INPP5A: variants seen among roughly 807,000 people sequenced by gnomAD.
INPP5A encodes the protein 43 kDa inositol polyphosphate 5-phophatase.
A neutral mutation model predicts 65.2 loss-of-function variants in INPP5A; 14 were observed. The ratio of observed to expected loss-of-function variants is 0.21; its 90% confidence interval spans 0.14 to 0.34. INPP5A has a LOEUF of 0.34. Among genes scored for constraint, INPP5A ranks in the 10% least tolerant of loss-of-function variants. The pLI is 1.00. For missense variants in INPP5A, 431 were observed against 545.6 expected, an observed-to-expected ratio of 0.79 and a Z score of 2.09; for synonymous variants, 207 against 208.3, an observed-to-expected ratio of 0.99 and a Z score of 0.05.
chr10:132,590,571 C>G (rs2071607168), intron 1 of INPP5A, among the ~76,000 whole-genome samples: 1 of 152,166 alleles, frequency 6.6e-6, no homozygotes, highest in African/African-American at 2.4e-5. Context: ...GACCACCATG[C>G]TGGTCGCACC....
intron 1 of INPP5A, among the ~76,000 whole-genome samples, chr10:132,600,720 C>T (rs2071764914): frequency 6.6e-6 from 1 of 152,240 alleles, no homozygotes; most frequent in Non-Finnish European, 1.5e-5. Flanking sequence ...TACAGTTCCA[C>T]ATCACTGGGG....
chr10:132,700,689 T>C (rs1845422944), intron 6 of INPP5A, among the ~76,000 whole-genome samples: 1 of 152,176 alleles, frequency 6.6e-6, no homozygotes, highest in Non-Finnish European at 1.5e-5. Context: ...TCTCGCTGTG[T>C]TTGAACACAT....
rs1291408606 is a variant in INPP5A at position 132,537,850 on chromosome 10, C to G, written c.-247C>G. 1 of 346,412 alleles carries G rather than the reference C, an allele frequency of 2.9e-6. No individual in the cohort carries two copies. Among genetic ancestry groups the G allele is most frequent in the Non-Finnish European group, 5.2e-6 (1 of 192,924 alleles). 21.5% of individuals were successfully genotyped at this position (346,412 alleles called of 1,614,324 possible). ...TTTCCCAGCGGATCTAATGGCTGCG[C>G]GCGGGCCGCTGTGAGGCGCGGCGGC... On this transcript the variant is annotated 5_prime_UTR_variant, in exon 1 of 16. Transcript: ENST00000368594.
In INPP5A at chr10:132,782,095, G is replaced by A. The variant is rs186630999; in HGVS notation, c.*66G>A. ...GTGAGCCTCCCTGTAGCCGTGGACC[G>A]AATACGCACTCTTGAAAGCTGCATC... On this transcript the variant is annotated 3_prime_UTR_variant, in exon 16 of 16. Coordinates refer to ENST00000368594, the MANE Select transcript of INPP5A (RefSeq NM_005539.5). This position sits in a 1 kb window ranked among gnomAD's most constrained non-coding sequence, Gnocchi z 4.4. 5.4e-3 allele frequency: 8,335 copies of A among 1,540,472 alleles called. 29 individuals carry two copies. The highest frequency in any genetic ancestry group is 6.7e-3 in the Non-Finnish European group (7,587 of 1,139,888).
At position 132,547,580 on chromosome 10, in the gene INPP5A, G is replaced by A. The variant is rs1445941661; in HGVS notation, c.75+9409G>A. Among the ~76,000 whole-genome samples the A allele has an allele frequency of 2.0e-5, 3 of 152,252 alleles. No individual in the cohort carries two copies. Among genetic ancestry groups the A allele is most frequent in the African/African-American group, 7.2e-5 (3 of 41,564 alleles). The stretch of plus-strand genomic sequence containing the variant: ...GCCGGGCACCTGCACCCTCGCCGTC[G>A]CCCTGGGCTGACCTCCCATCTCCTC... On this transcript the variant is annotated intron_variant, in intron 1 of 15. Coordinates refer to ENST00000368594, the MANE Select transcript of INPP5A (RefSeq NM_005539.5). The surrounding 1 kb of genome is among the most constrained non-coding windows in gnomAD (Gnocchi z 5.5).
chr10:132,749,415 C>A, intron 9 of INPP5A, 102 bp from the exon 10 acceptor site: 1 of 1,064,502 alleles, frequency 9.4e-7, no homozygotes, highest in African/African-American at 1.6e-5. Flanking sequence ...CAGCTGCTGT[C>A]TGGAACCAGC....
chr10:132,681,217 A>G (rs906753697), intron 4 of INPP5A, among the ~76,000 whole-genome samples: 24 of 152,218 alleles, frequency 1.6e-4, no homozygotes, highest in Non-Finnish European at 3.5e-4. Flanking sequence ...TCTACCAATC[A>G]GCAGGACGTG....
At chr10:132,709,397 G>A (rs1326155604) in intron 7 of INPP5A, among the ~76,000 whole-genome samples, 1 of 141,544 alleles carries the variant, frequency 7.1e-6, no homozygotes, top group East Asian at 2.3e-4. Context: ...GAGGAGGAGG[G>A]AGGAAGGAGG....
chr10:132,779,817 TAAA>T, intron 13 of INPP5A, among the ~76,000 whole-genome samples: 1 of 152,258 alleles, frequency 6.6e-6, no homozygotes, highest in South Asian at 2.1e-4. Context: ...TCCGGAGCCC[TAAA>T]ACACCAAAAG....
chr10:132,569,019 G>A (rs946960653), intron 1 of INPP5A, among the ~76,000 whole-genome samples: 5 of 150,818 alleles, frequency 3.3e-5, no homozygotes, highest in African/African-American at 1.2e-4. Flanking sequence ...GGATTCGAGC[G>A]ATTCTCCTGC....
chr10:132,762,449 G>A lies in INPP5A; in HGVS notation c.904-3324G>A, dbSNP rs7098740. ...ACACCAGGAGAAGTGGAGGCGTTCA[G>A]TCAAAGAGCTGGTGGAAAACCCCAC... is the stretch of plus-strand genomic sequence containing the variant. On this transcript the variant is annotated intron_variant, in intron 11 of 15. Coordinates refer to ENST00000368594, the MANE Select transcript of INPP5A (RefSeq NM_005539.5). This position sits in a 1 kb window ranked among gnomAD's most constrained non-coding sequence, Gnocchi z 4.6. Among the ~76,000 whole-genome samples, 6,296 of 152,208 alleles carry A rather than the reference G, an allele frequency of 0.041. 190 individuals are homozygous for A. Among genetic ancestry groups the A allele is most frequent in the African/African-American group, 0.086 (3,553 of 41,498 alleles).
chr10:132,621,474 C>T (rs747135847), intron 2 of INPP5A, among the ~76,000 whole-genome samples: 5 of 152,124 alleles, frequency 3.3e-5, no homozygotes, highest in Non-Finnish European at 5.9e-5. Context: ...TGTTCATGTA[C>T]ATTGGTTTGT....
intron 2 of INPP5A, among the ~76,000 whole-genome samples, chr10:132,625,797 C>G (rs1318061454): frequency 6.6e-6 from 1 of 151,784 alleles, no homozygotes. Context: ...GCCCAACTTC[C>G]CACTCACCTG....
Position 132,555,041 on chromosome 10 carries a change from A to G in INPP5A, c.75+16870A>G, listed in dbSNP as rs2071108998. ...TGGGTGGCATGGTATTGTGTGTGGC[A>G]TGATTGGTATGGGTGGCGTGGTTGG... On this transcript the variant is annotated intron_variant, in intron 1 of 15. Coordinates refer to ENST00000368594, the MANE Select transcript of INPP5A (RefSeq NM_005539.5). This position sits in a 1 kb window ranked among gnomAD's most constrained non-coding sequence, Gnocchi z 4.4. 1.4e-5 allele frequency among the ~76,000 whole-genome samples: 2 copies of G among 147,232 alleles called. No individual in the cohort carries two copies. Among genetic ancestry groups the G allele is most frequent in the Non-Finnish European group, 3.0e-5 (2 of 66,746 alleles).
intron 2 of INPP5A, among the ~76,000 whole-genome samples, chr10:132,617,707 G>A (rs2072059267): frequency 6.6e-6 from 1 of 152,216 alleles, no homozygotes; most frequent in African/African-American, 2.4e-5. Context: ...TGGCGTGTGT[G>A]GAGCAACTGC....
chr10:132,759,740 A>C lies in INPP5A; in HGVS notation c.904-6033A>C, dbSNP rs564713557. On this transcript the variant is annotated intron_variant, in intron 11 of 15. Coordinates refer to ENST00000368594, the MANE Select transcript of INPP5A (RefSeq NM_005539.5). ...CCCTGCAGGAGCCCCGGCCGTAAGC[A>C]TCAGTGACCCCCTCACCCTGCAGGA... is the stretch of plus-strand genomic sequence containing the variant. Among the ~76,000 whole-genome samples, 393 of 151,696 alleles carry C rather than the reference A, an allele frequency of 2.6e-3. 2 individuals carry two copies. The highest frequency in any genetic ancestry group is 9.2e-3 in the African/African-American group (379 of 41,378).
chr10:132,726,999 A>G (rs1590961326), intron 9 of INPP5A, 94 bp downstream of exon 9: 3 of 769,734 alleles, frequency 3.9e-6, no homozygotes, highest in Admixed American at 2.8e-5. Context: ...GGCACTTTCA[A>G]TGCCATCCGC....
rs1237379443 is a variant in INPP5A at position 132,766,383 on chromosome 10, T to C, written c.977+537T>C. Reference sequence around the variant, plus strand: ...AGGGACCTACGGGGACTGTGTGTTATGGATCTTTCTGGCAATATCGGGGCC... The same window carrying C: ...AGGGACCTACGGGGACTGTGTGTTACGGATCTTTCTGGCAATATCGGGGCC... On this transcript the variant is annotated intron_variant, in intron 12 of 15. Transcript: ENST00000368594. Among the ~76,000 whole-genome samples, 5 of 152,264 alleles carry C rather than the reference T, an allele frequency of 3.3e-5. No individual in the cohort carries two copies. In the East Asian group the frequency reaches 7.7e-4, roughly 23 times the overall value.
intron 4 of INPP5A, among the ~76,000 whole-genome samples, chr10:132,653,175 C>T (rs2072601655): frequency 2.0e-5 from 3 of 152,234 alleles, no homozygotes; most frequent in Admixed American, 1.3e-4. Flanking sequence ...CATGGGCTGG[C>T]GGAGGGGCAG....
Sources: gnomAD v4.1 joint callset for allele counts (sites outside exome capture counted in the v4.1 genomes callset) on GRCh38, gnomAD v4.1.1 for gene constraint, Gnocchi (gnomAD v3.1) non-coding constraint, MANE v1.5 for transcripts, NCBI Gene and HGNC (gene_info 2026-07-23, HGNC 2026-07-21) for gene names.